Variants in SNTG1 observed in about 807,000 individuals in gnomAD.
SNTG1 encodes syntrophin gamma 1.
Under a neutral mutation model 74.7 loss-of-function variants are expected in SNTG1, and 39 were observed. That is an observed-to-expected ratio of 0.52 (90% CI 0.40 to 0.68). The LOEUF (loss-of-function observed/expected upper bound fraction) is 0.68. Ranked by LOEUF, SNTG1 falls within the 30% of genes least tolerant of loss-of-function variation. SNTG1 has a pLI of 0.00. For missense variants in SNTG1, 685 were observed against 609.5 expected (o/e 1.12, Z -1.30); for synonymous variants, 254 against 217.1 (o/e 1.17, Z -1.49).
chr8:50,757,417 C>T (rs1002547820), intron 18 of SNTG1, among the ~76,000 whole-genome samples: 5 of 151,620 alleles, frequency 3.3e-5, no homozygotes, highest in African/African-American at 1.2e-4. Flanking sequence ...ATTTATTTAC[C>T]GTTGCTTAAT....
chr8:50,338,769 A>T (rs2091231020), intron 2 of SNTG1, among the ~76,000 whole-genome samples: 1 of 152,156 alleles, frequency 6.6e-6, no homozygotes, highest in Non-Finnish European at 1.5e-5. Flanking sequence ...ACAGAACCGT[A>T]TACCCAAGAA....
At chr8:50,754,151 T>C (rs145237137) in intron 18 of SNTG1, among the ~76,000 whole-genome samples, 3 of 152,080 alleles carry the variant, frequency 2.0e-5, no homozygotes, top group Admixed American at 1.3e-4. Context: ...AAAACAATCG[T>C]AGTGTAGATG....
rs535703963 is a variant in SNTG1 at position 50,105,921 on chromosome 8, A to G, written c.-102-66640A>G. Among the ~76,000 whole-genome samples, 60 of 152,186 alleles carry G rather than the reference A, an allele frequency of 3.9e-4. No homozygotes were observed. In the South Asian group the frequency reaches 0.012, roughly 30 times the overall value. On this transcript the variant is annotated intron_variant, in intron 1 of 18. Transcript: ENST00000642720. ...GACAAAGTTGTTTATCAGATCTGGA[A>G]GCTTTTGGGTAATTACTGTGGGGTT...
At chr8:50,779,465 A>G (rs1338364152) in intron 18 of SNTG1, among the ~76,000 whole-genome samples, 3 of 152,104 alleles carry the variant, frequency 2.0e-5, no homozygotes, top group Non-Finnish European at 2.9e-5. Flanking sequence ...CTTTGAAGCA[A>G]TTGTGAATGG....
intron 2 of SNTG1, among the ~76,000 whole-genome samples, chr8:50,241,607 T>C (rs1435041909): frequency 2.0e-5 from 3 of 152,160 alleles, no homozygotes; most frequent in African/African-American, 7.2e-5. Flanking sequence ...TTCAAGGCCT[T>C]AAGTACTGCT....
intron 2 of SNTG1, among the ~76,000 whole-genome samples, chr8:50,229,188 A>G (rs2085490009): frequency 6.6e-6 from 1 of 151,566 alleles, no homozygotes; most frequent in South Asian, 2.1e-4. Context: ...CTAAGACAGA[A>G]AAAGAGGGGA....
At chr8:50,534,221 G>T (rs2094291329) in intron 10 of SNTG1, among the ~76,000 whole-genome samples, 1 of 152,176 alleles carries the variant, frequency 6.6e-6, no homozygotes, top group Non-Finnish European at 1.5e-5. Context: ...TCCTGGGGGT[G>T]CCCTTTGCTG....
chr8:50,332,635 C>G (rs980125268), intron 2 of SNTG1, among the ~76,000 whole-genome samples: 1 of 152,162 alleles, frequency 6.6e-6, no homozygotes, highest in African/African-American at 2.4e-5. Flanking sequence ...CTGACACCAT[C>G]TTATATAGAT....
chr8:50,698,599 C>T (rs2095412988), intron 15 of SNTG1, among the ~76,000 whole-genome samples: 1 of 152,138 alleles, frequency 6.6e-6, no homozygotes, highest in South Asian at 2.1e-4. Context: ...AGCACCAGAT[C>T]CCCAGGATAC....
intron 2 of SNTG1, among the ~76,000 whole-genome samples, chr8:50,229,445 AG>A (rs1563770689): frequency 6.6e-6 from 1 of 151,476 alleles, no homozygotes; most frequent in African/African-American, 2.4e-5. Flanking sequence ...AAAAATAAAA[AG>A]ACTGGGTTAG....
intron 1 of SNTG1, among the ~76,000 whole-genome samples, chr8:50,167,378 C>T (rs551303349): frequency 3.4e-4 from 51 of 150,402 alleles, no homozygotes; most frequent in Non-Finnish European, 5.9e-5. Flanking sequence ...GAGTCTGTTT[C>T]TAAACCAACT....
chr8:49,998,935 A>C (rs1814491561), intron 1 of SNTG1, among the ~76,000 whole-genome samples: 1 of 152,178 alleles, frequency 6.6e-6, no homozygotes, highest in East Asian at 1.9e-4. Context: ...CTGTGTGTGC[A>C]GACTTCTATA....
intron 2 of SNTG1, among the ~76,000 whole-genome samples, chr8:50,266,326 ATTCAGT>A (rs1563819495): frequency 1.3e-5 from 2 of 152,152 alleles, no homozygotes; most frequent in African/African-American, 4.8e-5. Flanking sequence ...TGGTGAGAGA[ATTCAGT>A]AGAAAAATAT....
intron 11 of SNTG1, among the ~76,000 whole-genome samples, chr8:50,537,882 A>G (rs1280008601): frequency 3.3e-5 from 5 of 152,194 alleles, no homozygotes. Flanking sequence ...TCACAAAAAC[A>G]GGTGGCAGGC....
intron 13 of SNTG1, among the ~76,000 whole-genome samples, chr8:50,607,960 C>T (rs80090544): frequency 1.5e-3 from 225 of 151,786 alleles, no homozygotes; most frequent in African/African-American, 5.2e-3. Flanking sequence ...ATTTCTTCTA[C>T]ACTTGTCTAT....
At chr8:50,775,118 C>T (rs2095637121) in intron 18 of SNTG1, among the ~76,000 whole-genome samples, 1 of 151,180 alleles carries the variant, frequency 6.6e-6, no homozygotes, top group Non-Finnish European at 1.5e-5. Context: ...ATAAATTTTA[C>T]CTTATGTATA....
chr8:50,299,097 G>T, intron 2 of SNTG1, among the ~76,000 whole-genome samples: 1 of 152,126 alleles, frequency 6.6e-6, no homozygotes, highest in East Asian at 1.9e-4. Flanking sequence ...TGTTAAGTAT[G>T]ATCAAATTTA....
chr8:50,208,404 A>G (rs1327547894), intron 2 of SNTG1, among the ~76,000 whole-genome samples: 1 of 151,202 alleles, frequency 6.6e-6, no homozygotes, highest in Non-Finnish European at 1.5e-5. Context: ...TTTGTTTTCC[A>G]TTTGCTGGGT....
At chr8:50,411,314 G>C (rs2131396866) in intron 4 of SNTG1, among the ~76,000 whole-genome samples, 1 of 151,970 alleles carries the variant, frequency 6.6e-6, no homozygotes, top group East Asian at 2.0e-4. Flanking sequence ...CAGGCATGGT[G>C]GCGGGCGCCT....
Sources: allele counts gnomAD v4.1 joint callset (sites outside exome capture counted in the v4.1 genomes callset), GRCh38; gene constraint gnomAD v4.1.1; transcripts MANE v1.5; gene names NCBI Gene and HGNC (gene_info 2026-07-23, HGNC 2026-07-21).